Variants in ZFYVE21 observed in about 807,000 individuals in gnomAD.
ZFYVE21 encodes zinc finger FYVE domain-containing protein 21.
In ZFYVE21, 21 loss-of-function variants were observed where a neutral mutation model predicts 29.5. The observed-to-expected ratio is 0.71, with a 90% CI of 0.50 to 1.02. ZFYVE21 has a LOEUF of 1.02. Ranked by LOEUF, ZFYVE21 falls within the 50% of genes least tolerant of loss-of-function variation. The pLI is 0.00. For synonymous variants in ZFYVE21, 151 were observed against 133.8 expected, an observed-to-expected ratio of 1.13 and a Z score of -0.89; for missense variants, 326 against 335.4, an observed-to-expected ratio of 0.97 and a Z score of 0.22.
At position 103,729,086 on chromosome 14, in the gene ZFYVE21, T is replaced by A; in HGVS notation, c.435-5T>A. ...ACCCGATTTGGACACTTTTATTTGA[T>A]GTAGATACTTGTTTCTGGATGGAGA... On this transcript the variant is annotated splice_polypyrimidine_tract_variant and splice_region_variant and intron_variant, in intron 4 of 6. Coordinates refer to ENST00000311141, the MANE Select transcript of ZFYVE21 (RefSeq NM_024071.4). The A allele has an allele frequency of 6.2e-7, 1 of 1,614,032 alleles. No individual in the cohort carries two copies. Among genetic ancestry groups the A allele is most frequent in the Non-Finnish European group, 8.5e-7 (1 of 1,180,000 alleles).
At chr14:103,722,908 C>T (rs549870398) in intron 1 of ZFYVE21, among the ~76,000 whole-genome samples, 44 of 152,242 alleles carry the variant, frequency 2.9e-4, no homozygotes, top group African/African-American at 8.4e-4. Context: ...CCTCAGCCTC[C>T]CAAAGTGCTG....
At chr14:103,732,267 T>C (rs1468997915) in intron 5 of ZFYVE21, 1 of 180,154 alleles carries the variant, frequency 5.6e-6, no homozygotes, top group Non-Finnish European at 1.2e-5. Context: ...GCCAGTCTTG[T>C]CTGGAGGTTC....
intron 5 of ZFYVE21, chr14:103,730,411 G>T (rs1407763411): frequency 6.5e-6 from 1 of 153,054 alleles, no homozygotes; most frequent in Non-Finnish European, 1.5e-5. Flanking sequence ...AGAAGCGGGG[G>T]TCACCCCAGG....
intron 1 of ZFYVE21, among the ~76,000 whole-genome samples, chr14:103,722,109 C>T (rs928113055): frequency 7.2e-5 from 11 of 152,298 alleles, no homozygotes; most frequent in Admixed American, 2.6e-4. Context: ...GCTTCCTTTG[C>T]GGGGCGTGCT....
chr14:103,732,844 C>T (rs1256786768), intron 6 of ZFYVE21, 82 bp downstream of exon 6: 2 of 1,598,564 alleles, frequency 1.3e-6, no homozygotes, highest in Non-Finnish European at 1.7e-6. Context: ...CTGTGTCCTG[C>T]CATTTGCCCC....
chr14:103,722,076 TG>T (rs1056607187), intron 1 of ZFYVE21, among the ~76,000 whole-genome samples: 4 of 152,206 alleles, frequency 2.6e-5, no homozygotes, highest in Non-Finnish European at 4.4e-5. Flanking sequence ...GAGCCTGGTC[TG>T]GGGCCCGGCT....
chr14:103,727,373 T>TTCCCCCCCCCCCCC, intron 2 of ZFYVE21: 1 of 129,270 alleles, frequency 7.7e-6, no homozygotes, highest in Non-Finnish European at 1.5e-5. Context: ...CCCCGCCCCC[T>TTCCCCCCCCCCCCC]CTGCCCCCTC....
rs992233336 is a variant in ZFYVE21, at chr14:103,727,015, G to T, written c.189+173G>T. 1.5e-5 allele frequency: 9 copies of T among 605,810 alleles called. No individual in the cohort carries two copies. The Admixed American group carries it at 2.8e-4, about 19-fold the overall frequency. 37.5% of individuals were successfully genotyped at this position (605,810 alleles called of 1,614,324 possible). On this transcript the variant is annotated intron_variant, in intron 2 of 6. Transcript: ENST00000311141. ...GGCTGGAGTGCAGTGGCTCCATCTC[G>T]GCTCACTGCAACCTCTGCCTCTCAG... is the stretch of plus-strand genomic sequence containing the variant.
intron 2 of ZFYVE21, 112 bp downstream of exon 2, chr14:103,726,954 T>C (rs1317467598): frequency 4.9e-6 from 6 of 1,218,012 alleles, no homozygotes; most frequent in Non-Finnish European, 6.9e-6. Flanking sequence ...GCTCGTTTTT[T>C]TTTTTTTTGA....
chr14:103,727,689 C>T (rs1184098036), intron 2 of ZFYVE21, 57 bp from the exon 3 acceptor site: 1 of 1,589,604 alleles, frequency 6.3e-7, no homozygotes, highest in Non-Finnish European at 8.5e-7. Flanking sequence ...CGGGGCCACA[C>T]CCGGGGCCGC....
intron 5 of ZFYVE21, chr14:103,730,034 C>A: frequency 3.1e-6 from 2 of 645,432 alleles, no homozygotes; most frequent in South Asian, 2.1e-5. Context: ...AATGAAGATA[C>A]CGCAGCAGAT....
chr14:103,726,925 G>A (rs2083930719), intron 2 of ZFYVE21, 83 bp downstream of exon 2: 1 of 1,359,854 alleles, frequency 7.4e-7, no homozygotes, highest in Admixed American at 2.0e-5. Context: ...TTCTGGCAGG[G>A]GACGGATGTC....
chr14:103,715,938 C>G lies in ZFYVE21; in HGVS notation c.97C>G (p.Pro33Ala). ...GCCCGAACACCGCGCCTTCGGAAGC[C>G]CGTTCGGCCTGGAGGAGCCGCAGTG... ...MVPEHRAFGS[P>A]FGLEEPQWVP... Residue 33 changes from proline (P) to alanine (A), a missense_variant, in exon 1 of 7, where the codon CCG becomes GCG. By Grantham distance (27) the Pro-to-Ala change is conservative. Coordinates refer to ENST00000311141, the MANE Select transcript of ZFYVE21 (RefSeq NM_024071.4). 1 of 1,428,704 alleles carries G rather than the reference C, an allele frequency of 7.0e-7. No individual in the cohort carries two copies. Among genetic ancestry groups the G allele is most frequent in the Non-Finnish European group, 9.2e-7 (1 of 1,081,652 alleles). 88.5% of individuals were successfully genotyped at this position (1,428,704 alleles called of 1,614,324 possible).
At chr14:103,728,716 G>A in intron 3 of ZFYVE21, 192 bp from the exon 4 acceptor site, 1 of 599,956 alleles carries the variant, frequency 1.7e-6, no homozygotes. Context: ...GCGCCTTTGG[G>A]TTTACCTCTT....
chr14:103,725,872 G>A (rs576529023), intron 1 of ZFYVE21: 4 of 152,314 alleles, frequency 2.6e-5, no homozygotes, highest in Non-Finnish European at 5.9e-5. Context: ...TGGGGCTTCA[G>A]GCCTGCTGTG....
chr14:103,727,634 C>T (rs1478848605), intron 2 of ZFYVE21, 112 bp from the exon 3 acceptor site: 6 of 1,418,390 alleles, frequency 4.2e-6, no homozygotes, highest in African/African-American at 1.4e-5. Context: ...GCGGCCGGCA[C>T]AGGGGCCTCG....
At position 103,726,949 on chromosome 14, in the gene ZFYVE21, T is replaced by TTTTTTTTTTTTTG; in HGVS notation, c.189+119_189+120insGTTTTTTTTTTTT. On this transcript the variant is annotated intron_variant, in intron 2 of 6. Coordinates refer to ENST00000311141, the MANE Select transcript of ZFYVE21 (RefSeq NM_024071.4). ...GGGACGGATGTCATCTTATGGCTCG[T>TTTTTTTTTTTTTG]TTTTTTTTTTTTTGAGACGGAGTTT... 9.5e-5 allele frequency: 65 copies of TTTTTTTTTTTTTG among 686,656 alleles called. 2 individuals are homozygous for TTTTTTTTTTTTTG. The highest frequency in any genetic ancestry group is 1.3e-4 in the Non-Finnish European group (62 of 481,022). 42.5% of individuals were successfully genotyped at this position (686,656 alleles called of 1,614,324 possible).
In ZFYVE21 at chr14:103,733,615, G is replaced by C. The variant is rs1423024363; in HGVS notation, c.*597G>C. ...ACTATTTCACTTTATTAAGATGACT[G>C]TACAGCAATTTGTATATAAAGCTTA... On this transcript the variant is annotated 3_prime_UTR_variant, in exon 7 of 7. Coordinates refer to ENST00000311141, the MANE Select transcript of ZFYVE21 (RefSeq NM_024071.4). The C allele has an allele frequency of 6.5e-6, 1 of 152,866 alleles. No homozygotes were observed. The highest frequency in any genetic ancestry group is 1.5e-5 in the Non-Finnish European group (1 of 68,240). 9.5% of individuals were successfully genotyped at this position (152,866 alleles called of 1,614,324 possible).
chr14:103,726,956 T>TTTTG (rs1204579486), intron 2 of ZFYVE21, 114 bp downstream of exon 2: 12 of 1,206,144 alleles, frequency 9.9e-6, no homozygotes, highest in South Asian at 1.3e-5. Flanking sequence ...TCGTTTTTTT[T>TTTTG]TTTTTTGAGA....
Sources: allele counts gnomAD v4.1 joint callset (sites outside exome capture counted in the v4.1 genomes callset), GRCh38; gene constraint gnomAD v4.1.1; transcripts MANE v1.5; gene names NCBI Gene and HGNC (gene_info 2026-07-23, HGNC 2026-07-21).